The following LUZP2 variants were observed in gnomAD, a reference collection of about 807,000 sequenced individuals.
LUZP2 encodes leucine zipper protein 2.
LUZP2 carries 52 observed loss-of-function variants against 51.6 expected under a neutral mutation model. The observed-to-expected ratio is 1.01, with a 90% CI of 0.81 to 1.27. The LOEUF (loss-of-function observed/expected upper bound fraction) is 1.27, where lower values mean the gene tolerates loss of function less well. LUZP2 is among the 50% of genes most tolerant of loss of function. The pLI is 0.00. For missense variants in LUZP2, 436 were observed against 395.4 expected, an observed-to-expected ratio of 1.10 and a Z score of -0.87; for synonymous variants, 154 against 137.3, an observed-to-expected ratio of 1.12 and a Z score of -0.85.
At chr11:24,795,499 C>T (rs1420370023) in intron 5 of LUZP2, among the ~76,000 whole-genome samples, 2 of 152,156 alleles carry the variant, frequency 1.3e-5, no homozygotes, top group East Asian at 3.9e-4. Context: ...TTATTACATA[C>T]AATTCTCCTA....
intron 9 of LUZP2, among the ~76,000 whole-genome samples, chr11:25,015,676 A>G (rs969836139): frequency 6.6e-6 from 1 of 152,132 alleles, no homozygotes; most frequent in African/African-American, 2.4e-5. Context: ...TACATTTGCC[A>G]ACATCCCACC....
rs903265770 is a variant in LUZP2, at chr11:24,999,728, A to G, written c.765+16435A>G. 3.9e-5 allele frequency among the ~76,000 whole-genome samples: 6 copies of G among 152,254 alleles called. No homozygotes were observed. In the South Asian group the frequency reaches 1.0e-3, roughly 26 times the overall value. On this transcript the variant is annotated intron_variant, in intron 9 of 11. Coordinates refer to ENST00000336930, the MANE Select transcript of LUZP2 (RefSeq NM_001009909.4). ...ATATTTCTAAGCACTTCTCACAAAT[A>G]AATTGTTTTAAACTCACAACCTTGT...
chr11:24,583,652 A>G (rs1315119923), intron 1 of LUZP2, among the ~76,000 whole-genome samples: 1 of 152,078 alleles, frequency 6.6e-6, no homozygotes, highest in African/African-American at 2.4e-5. Context: ...GAAGAAAAAT[A>G]AAGCAGATTG....
At chr11:24,506,660 A>T (rs896481646) in intron 1 of LUZP2, among the ~76,000 whole-genome samples, 4 of 152,062 alleles carry the variant, frequency 2.6e-5, no homozygotes, top group African/African-American at 9.7e-5. Context: ...ATTTCTGAGG[A>T]CTAATCGTGT....
chr11:25,017,080 A>G (rs1228086275), intron 9 of LUZP2, among the ~76,000 whole-genome samples: 1 of 151,970 alleles, frequency 6.6e-6, no homozygotes, highest in Admixed American at 6.6e-5. Context: ...TTATTTTGTG[A>G]AGTATCTATT....
intron 5 of LUZP2, among the ~76,000 whole-genome samples, chr11:24,770,631 G>T (rs2134050345): frequency 6.6e-6 from 1 of 152,160 alleles, no homozygotes; most frequent in Middle Eastern, 3.4e-3. Flanking sequence ...TCAAGTCACT[G>T]GCCAATATCG....
intron 1 of LUZP2, among the ~76,000 whole-genome samples, chr11:24,535,758 G>T (rs1048909288): frequency 6.6e-6 from 1 of 151,512 alleles, no homozygotes; most frequent in Admixed American, 6.6e-5. Context: ...TAGTTTACAG[G>T]ATTCCTCATA....
chr11:24,997,917 A>G (rs1043874150), intron 9 of LUZP2, among the ~76,000 whole-genome samples: 14 of 152,326 alleles, frequency 9.2e-5, no homozygotes, highest in Non-Finnish European at 2.1e-4. Context: ...TTTGTCAAAG[A>G]TCGGACAGTT....
At position 24,948,198 on chromosome 11, in the gene LUZP2, G is replaced by A. The variant is rs112211784; in HGVS notation, c.523-28393G>A. 7.6e-3 allele frequency among the ~76,000 whole-genome samples: 1,155 copies of A among 151,144 alleles called. 15 individuals carry two copies. The highest frequency in any genetic ancestry group is 0.023 in the African/African-American group (956 of 41,292). ...TTTTTTCCTCCAGGACAAATATAGCGTTGAGCATCATGAGTGATTTTTTTT... is the reference window on the plus strand; with the variant it reads ...TTTTTTCCTCCAGGACAAATATAGCATTGAGCATCATGAGTGATTTTTTTT... On this transcript the variant is annotated intron_variant, in intron 7 of 11. Transcript: ENST00000336930.
chr11:24,821,893 A>G (rs1326480347), intron 5 of LUZP2, among the ~76,000 whole-genome samples: 1 of 149,020 alleles, frequency 6.7e-6, no homozygotes, highest in Non-Finnish European at 1.5e-5. Flanking sequence ...ATATATATTT[A>G]AAAGCTTCTG....
At chr11:24,502,277 A>G (rs115414436) in intron 1 of LUZP2, among the ~76,000 whole-genome samples, 9,720 of 146,900 alleles carry the variant, frequency 0.066, 334 homozygotes, top group Middle Eastern at 0.1. Context: ...AACAAGAAGC[A>G]TAGTCATCAT....
intron 9 of LUZP2, among the ~76,000 whole-genome samples, chr11:25,045,139 A>G (rs1277512115): frequency 1.3e-5 from 2 of 151,714 alleles, no homozygotes; most frequent in African/African-American, 4.8e-5. Flanking sequence ...GCACACCAAC[A>G]TGGCACATGT....
intron 8 of LUZP2, among the ~76,000 whole-genome samples, chr11:24,980,693 C>A (rs1182789230): frequency 6.6e-6 from 1 of 151,660 alleles, no homozygotes; most frequent in East Asian, 1.9e-4. Flanking sequence ...AATATAATAA[C>A]AACTTTAGGA....
At position 24,959,111 on chromosome 11, in the gene LUZP2, T is replaced by G. The variant is rs1855307196; in HGVS notation, c.523-17480T>G. ...AGGGCTCTGTTCTGTTCCATTGATC[T>G]ATATCTCTGTTTTGGTACCAGTATC... On this transcript the variant is annotated intron_variant, in intron 7 of 11. Transcript: ENST00000336930. Among the ~76,000 whole-genome samples, 3 of 152,208 alleles carry G rather than the reference T, an allele frequency of 2.0e-5. No homozygotes were observed. In the South Asian group the frequency reaches 6.2e-4, roughly 31 times the overall value.
At chr11:24,672,813 G>A (rs915690467) in intron 1 of LUZP2, among the ~76,000 whole-genome samples, 7 of 152,202 alleles carry the variant, frequency 4.6e-5, no homozygotes, top group African/African-American at 7.2e-5. Context: ...AATACTTTAC[G>A]TCAGGGGTCC....
chr11:24,545,555 C>CTTTTTT (rs3992984), intron 1 of LUZP2, among the ~76,000 whole-genome samples: 21 of 120,776 alleles, frequency 1.7e-4, no homozygotes, highest in Non-Finnish European at 2.0e-4. Context: ...TTGTTGCTTG[C>CTTTTTT]TTTTTTTTTT....
intron 1 of LUZP2, among the ~76,000 whole-genome samples, chr11:24,616,640 T>A (rs1443534299): frequency 6.6e-6 from 1 of 152,178 alleles, no homozygotes; most frequent in Admixed American, 6.5e-5. Context: ...TTCTGAGTTG[T>A]CAGTGGTGTT....
At chr11:24,678,248 G>A (rs781747662) in intron 1 of LUZP2, among the ~76,000 whole-genome samples, 1 of 152,008 alleles carries the variant, frequency 6.6e-6, no homozygotes, top group African/African-American at 2.4e-5. Flanking sequence ...CATTCAATAC[G>A]TTTTTGTATT....
chr11:24,739,885 C>T (rs556700444), intron 4 of LUZP2, among the ~76,000 whole-genome samples: 18 of 152,230 alleles, frequency 1.2e-4, no homozygotes, highest in African/African-American at 4.1e-4. Context: ...TATGCCACGG[C>T]AACTCTCACT....
Sources: allele counts gnomAD v4.1 joint callset (sites outside exome capture counted in the v4.1 genomes callset), GRCh38; gene constraint gnomAD v4.1.1; transcripts MANE v1.5; gene names NCBI Gene and HGNC (gene_info 2026-07-23, HGNC 2026-07-21).